The following SLC25A14 variants were observed in gnomAD, a reference collection of about 807,000 sequenced individuals.
The protein encoded by SLC25A14 is solute carrier family 25 member 14.
Under a neutral mutation model 28.1 loss-of-function variants are expected in SLC25A14, and 8 were observed. The ratio of observed to expected loss-of-function variants is 0.28; its 90% CI spans 0.17 to 0.51. The LOEUF is 0.51. SLC25A14 is among the 20% of genes least tolerant of loss of function. The pLI is 0.97. For synonymous variants in SLC25A14, 74 were observed against 90.6 expected, an observed-to-expected ratio of 0.82 and a Z score of 1.04; for missense variants, 135 against 263.8, an observed-to-expected ratio of 0.51 and a Z score of 3.38.
intron 9 of SLC25A14, among the ~76,000 whole-genome samples, chrX:130,369,305 C>T (rs1436741056): frequency 9.0e-6 from 1 of 110,908 alleles, no homozygotes; most frequent in Admixed American, 9.6e-5. Flanking sequence ...AAAAAAGATC[C>T]AGATGGCTCA....
chrX:130,365,451 T>C, intron 8 of SLC25A14, 90 bp from the exon 9 acceptor site: 1 of 1,153,316 alleles, frequency 8.7e-7, no homozygotes. Flanking sequence ...TGGGTCTGAG[T>C]TATATTGTAC....
chrX:130,344,447 G>A (rs1456218716), intron 2 of SLC25A14, among the ~76,000 whole-genome samples: 1 of 111,489 alleles, frequency 9.0e-6, no homozygotes, highest in Non-Finnish European at 1.9e-5. Flanking sequence ...GGAGAAAAGG[G>A]AGGCTGGGAG....
chrX:130,344,383 GAGTAA>G (rs1365111209), intron 2 of SLC25A14, among the ~76,000 whole-genome samples: 11 of 111,939 alleles, frequency 9.8e-5, no homozygotes, highest in Admixed American at 5.7e-4. Context: ...CAGAAAAAGA[GAGTAA>G]AGCTGAAAAG....
intron 2 of SLC25A14, 26 bp downstream of exon 2, chrX:130,340,379 G>A (rs369356210): frequency 8.3e-6 from 10 of 1,208,905 alleles, no homozygotes; most frequent in Middle Eastern, 2.3e-4. Context: ...CATTGTATTA[G>A]TGTAAGGGAT....
chrX:130,370,939 T>G (rs2034248509), intron 9 of SLC25A14, among the ~76,000 whole-genome samples: 1 of 111,730 alleles, frequency 9.0e-6, no homozygotes. Flanking sequence ...TGATTCTGGC[T>G]TAGGCTGTCT....
At chrX:130,347,399 A>G (rs919321358) in intron 4 of SLC25A14, among the ~76,000 whole-genome samples, 17 of 112,256 alleles carry the variant, frequency 1.5e-4, no homozygotes, top group African/African-American at 5.5e-4. Flanking sequence ...TTCTTTCATC[A>G]GCATAGATCA....
chrX:130,348,669 A>T (rs2033519777), intron 4 of SLC25A14, among the ~76,000 whole-genome samples: 1 of 101,484 alleles, frequency 9.9e-6, no homozygotes, highest in African/African-American at 3.7e-5. Flanking sequence ...TCCTATTTTC[A>T]ATTTCATTGA....
chrX:130,354,233 C>T (rs2033715730), intron 6 of SLC25A14, among the ~76,000 whole-genome samples: 1 of 110,199 alleles, frequency 9.1e-6, no homozygotes. Context: ...CCTGCCTCAG[C>T]CTCCTGAGTA....
chrX:130,349,269 A>G lies in SLC25A14; in HGVS notation c.336A>G (p.Leu112=). The change falls in exon 5 of 11, where the codon CTA becomes CTG. Residue 112 remains leucine (L), a synonymous_variant. Transcript: ENST00000545805. ...TTTTCAGAATTGCTCCTGCGTTGCT[A>G]AGACAAGCATCATATGGCACCATTA... ...ALYSGIAPAL[L]RQASYGTIKI... is the part of the protein sequence containing the mutation. 1 of 1,190,899 alleles carries G rather than the reference A, an allele frequency of 8.4e-7. No homozygotes were observed. Among genetic ancestry groups the G allele is most frequent in the East Asian group, 3.0e-5 (1 of 33,594 alleles).
chrX:130,356,115 A>G (rs1439805097), intron 6 of SLC25A14, among the ~76,000 whole-genome samples: 1 of 108,952 alleles, frequency 9.2e-6, no homozygotes, highest in Non-Finnish European at 1.9e-5. Flanking sequence ...ATTGGTGGCC[A>G]TTACCTGAAT....
At chrX:130,364,853 G>T in intron 8 of SLC25A14, 101 bp downstream of exon 8, 9 of 1,128,655 alleles carry the variant, frequency 8.0e-6, no homozygotes, top group Non-Finnish European at 1.1e-5. Flanking sequence ...TGGTACGTAT[G>T]GCCTAAATTC....
intron 2 of SLC25A14, among the ~76,000 whole-genome samples, chrX:130,341,777 G>A (rs952758613): frequency 2.7e-5 from 3 of 112,057 alleles, no homozygotes; most frequent in Non-Finnish European, 3.8e-5. Flanking sequence ...CTACTTTTAC[G>A]CATATTTGGG....
At chrX:130,369,049 G>A (rs2034198369) in intron 9 of SLC25A14, among the ~76,000 whole-genome samples, 1 of 112,402 alleles carries the variant, frequency 8.9e-6, no homozygotes, top group African/African-American at 3.2e-5. Flanking sequence ...ATCTATAGAA[G>A]TTCTTTGTTT....
At chrX:130,365,048 C>T in intron 8 of SLC25A14, 1 of 776,240 alleles carries the variant, frequency 1.3e-6, no homozygotes, top group Non-Finnish European at 1.5e-6. Context: ...CTATTATTTG[C>T]TTTGGTTAAT....
In SLC25A14 at chrX:130,340,322, A is replaced by G. The variant is rs763208488; in HGVS notation, c.44A>G (p.Lys15Arg). Residue 15 changes from lysine (K) to arginine (R), a missense_variant, in exon 2 of 11, where the codon AAG becomes AGG. By Grantham distance (26) the Lys-to-Arg change is conservative. Transcript: ENST00000545805. ...PGIILIFLRV[K>R]FATAAVIVSG... ...ATAATCCTAATTTTTCTAAGGGTGAAGTTTGCAACGGCGGCCGTGATTGTA... is the reference window on the plus strand; with the variant it reads ...ATAATCCTAATTTTTCTAAGGGTGAGGTTTGCAACGGCGGCCGTGATTGTA... The G allele has an allele frequency of 3.3e-6, 4 of 1,209,402 alleles. No individual in the cohort carries two copies. The East Asian group carries it at 1.2e-4, about 36-fold the overall frequency.
chrX:130,341,267 T>A (rs1439373060), intron 2 of SLC25A14, among the ~76,000 whole-genome samples: 1 of 112,778 alleles, frequency 8.9e-6, no homozygotes, highest in African/African-American at 3.2e-5. Flanking sequence ...AACGCACTAC[T>A]TTGATTTCTT....
chrX:130,356,044 C>T (rs979912251), intron 6 of SLC25A14, among the ~76,000 whole-genome samples: 6 of 110,573 alleles, frequency 5.4e-5, no homozygotes, highest in Non-Finnish European at 9.4e-5. Flanking sequence ...TGGGTTCAGG[C>T]GTGACAGCCC....
intron 6 of SLC25A14, among the ~76,000 whole-genome samples, chrX:130,351,952 C>T (rs1330477529): frequency 9.0e-6 from 1 of 110,757 alleles, no homozygotes; most frequent in African/African-American, 3.3e-5. Flanking sequence ...TCAGGGAGTA[C>T]ATGTGCAGGT....
chrX:130,346,619 T>G lies in SLC25A14; in HGVS notation c.245T>G (p.Ile82Arg). 1.7e-6 allele frequency: 2 copies of G among 1,208,228 alleles called. No individual in the cohort carries two copies. The highest frequency in any genetic ancestry group is 2.2e-6 in the Non-Finnish European group (2 of 892,286). Reference protein sequence around the residue: ...GQSIDARFKEIKYRGMFHALF... With the variant: ...GQSIDARFKERKYRGMFHALF... ...AGCATTGATGCCCGTTTCAAAGAGA[T>G]AAAATATAGAGGGATGTTCCATGCG... Residue 82 changes from isoleucine (I) to arginine (R), a missense_variant, in exon 4 of 11, where the codon ATA becomes AGA. Transcript: ENST00000545805.
Sources: allele counts gnomAD v4.1 joint callset (sites outside exome capture counted in the v4.1 genomes callset), GRCh38; gene constraint gnomAD v4.1.1; transcripts MANE v1.5; gene names NCBI Gene and HGNC (gene_info 2026-07-23, HGNC 2026-07-21).